DPP10: variants seen among roughly 807,000 people sequenced by gnomAD.
DPP10 encodes dipeptidyl peptidase like 10.
Under a neutral mutation model 120.9 loss-of-function variants are expected in DPP10, and 33 were observed. The ratio of observed to expected loss-of-function variants is 0.27; its 90% confidence interval spans 0.21 to 0.37. DPP10 has a LOEUF of 0.37. DPP10 is among the 10% of genes least tolerant of loss of function. The pLI is 1.00. For missense variants in DPP10, 816 were observed against 942.8 expected, an observed-to-expected ratio of 0.87 and a Z score of 1.76; for synonymous variants, 337 against 326.1, an observed-to-expected ratio of 1.03 and a Z score of -0.36.
chr2:115,611,998 T>G (rs146479103), intron 5 of DPP10, among the ~76,000 whole-genome samples: 1 of 152,246 alleles, frequency 6.6e-6, no homozygotes, highest in African/African-American at 2.4e-5. Context: ...TTATGATGAT[T>G]AGTGAGAAAA....
intron 3 of DPP10, among the ~76,000 whole-genome samples, chr2:115,444,804 T>C (rs1402685131): frequency 6.6e-6 from 1 of 152,202 alleles, no homozygotes; most frequent in Non-Finnish European, 1.5e-5. Flanking sequence ...GATAGCTGTG[T>C]ACCTATGGAA....
At chr2:115,010,482 T>G (rs2105084231) in intron 1 of DPP10, among the ~76,000 whole-genome samples, 1 of 152,302 alleles carries the variant, frequency 6.6e-6, no homozygotes, top group African/African-American at 2.4e-5. Context: ...AATATTATCA[T>G]TCTTTAGTAT....
At chr2:115,596,506 C>T (rs1369767518) in intron 5 of DPP10, among the ~76,000 whole-genome samples, 2 of 151,982 alleles carry the variant, frequency 1.3e-5, no homozygotes, top group African/African-American at 4.8e-5. Context: ...GGCAGAGAAA[C>T]AAATCTTCAC....
chr2:114,909,943 G>T (rs1432803049), intron 1 of DPP10, among the ~76,000 whole-genome samples: 1 of 151,722 alleles, frequency 6.6e-6, no homozygotes, highest in Non-Finnish European at 1.5e-5. Context: ...TCAGTCTGTA[G>T]GTTCTGCATA....
At chr2:114,727,886 G>A (rs1272443671) in intron 1 of DPP10, among the ~76,000 whole-genome samples, 2 of 151,998 alleles carry the variant, frequency 1.3e-5, no homozygotes, top group Admixed American at 6.6e-5. Flanking sequence ...CTATCACTGC[G>A]GTCAGCACAT....
In DPP10 at chr2:114,778,728, C is replaced by T. The variant is rs1681992789; in HGVS notation, c.60+335890C>T. On this transcript the variant is annotated intron_variant, in intron 1 of 25. Coordinates refer to ENST00000410059, the MANE Select transcript of DPP10 (RefSeq NM_020868.6). The stretch of plus-strand genomic sequence containing the variant: ...ATGAAAAATCCTACTGGTTTAAAAT[C>T]GGTCGCATGACTGCACCTAATTGCA... Among the ~76,000 whole-genome samples the T allele has an allele frequency of 2.0e-5, 3 of 152,042 alleles. No homozygotes were observed. In the South Asian group the frequency reaches 6.3e-4, roughly 32 times the overall value.
chr2:114,823,993 C>T (rs1435671976), intron 1 of DPP10, among the ~76,000 whole-genome samples: 1 of 152,168 alleles, frequency 6.6e-6, no homozygotes, highest in East Asian at 1.9e-4. Context: ...CTTTCCAAAA[C>T]TAAAGAATAA....
intron 1 of DPP10, among the ~76,000 whole-genome samples, chr2:115,149,003 A>C (rs1385134114): frequency 6.6e-6 from 1 of 152,152 alleles, no homozygotes; most frequent in Non-Finnish European, 1.5e-5. Flanking sequence ...TTGTTCCCAC[A>C]AACTCCTTTC....
At chr2:114,783,744 G>A (rs898484491) in intron 1 of DPP10, among the ~76,000 whole-genome samples, 2 of 151,944 alleles carry the variant, frequency 1.3e-5, no homozygotes, top group East Asian at 3.9e-4. Context: ...TGAGGTGGGA[G>A]GATTGCTTGA....
chr2:115,436,449 TG>T (rs770960343), intron 3 of DPP10, among the ~76,000 whole-genome samples: 28 of 151,970 alleles, frequency 1.8e-4, no homozygotes, highest in Admixed American at 3.9e-4. Flanking sequence ...AGTGTTATAC[TG>T]AAATACTTAA....
chr2:115,818,083 G>A (rs917309859), intron 21 of DPP10, among the ~76,000 whole-genome samples: 1 of 152,160 alleles, frequency 6.6e-6, no homozygotes, highest in Non-Finnish European at 1.5e-5. Context: ...GTGACAAAAA[G>A]GGAGAGCAAG....
intron 1 of DPP10, among the ~76,000 whole-genome samples, chr2:115,030,918 C>G (rs1010827114): frequency 6.6e-6 from 1 of 152,148 alleles, no homozygotes; most frequent in Non-Finnish European, 1.5e-5. Flanking sequence ...GGTATATACC[C>G]ATAGAATGTA....
At chr2:114,446,509 C>T (rs1039858729) in intron 1 of DPP10, among the ~76,000 whole-genome samples, 2 of 152,068 alleles carry the variant, frequency 1.3e-5, no homozygotes, top group African/African-American at 2.4e-5. Context: ...ATGTAGTGAC[C>T]GGTCTTCCTC....
chr2:115,165,722 C>A (rs1017987245), intron 1 of DPP10, among the ~76,000 whole-genome samples: 4 of 152,226 alleles, frequency 2.6e-5, no homozygotes, highest in African/African-American at 9.6e-5. Flanking sequence ...CCAGGTGGCA[C>A]CCTTCTGCTG....
At chr2:115,833,426 G>T (rs938893880) in intron 21 of DPP10, among the ~76,000 whole-genome samples, 23 of 152,136 alleles carry the variant, frequency 1.5e-4, no homozygotes, top group African/African-American at 5.5e-4. Context: ...AACACCCTTC[G>T]CCCATCTTTA....
chr2:115,062,311 C>T (rs1311981343), intron 1 of DPP10, among the ~76,000 whole-genome samples: 1 of 151,986 alleles, frequency 6.6e-6, no homozygotes, highest in Non-Finnish European at 1.5e-5. Context: ...CTTTGTATTT[C>T]CATGAGCTTA....
At chr2:114,446,940 G>A (rs1019266355) in intron 1 of DPP10, among the ~76,000 whole-genome samples, 1 of 151,988 alleles carries the variant, frequency 6.6e-6, no homozygotes, top group Non-Finnish European at 1.5e-5. Flanking sequence ...AAATAATTTC[G>A]TTAGCAAATT....
At chr2:114,596,737 A>G (rs540702657) in intron 1 of DPP10, among the ~76,000 whole-genome samples, 27 of 152,088 alleles carry the variant, frequency 1.8e-4, no homozygotes, top group East Asian at 1.4e-3. Flanking sequence ...ACTGAGGCAG[A>G]GAGAAGTAAA....
chr2:115,020,147 A>G lies in DPP10; in HGVS notation c.61-289092A>G, dbSNP rs1385013699. Among the ~76,000 whole-genome samples, 4 of 152,194 alleles carry G rather than the reference A, an allele frequency of 2.6e-5. No individual in the cohort carries two copies. In the East Asian group the frequency reaches 7.7e-4, roughly 29 times the overall value. On this transcript the variant is annotated intron_variant, in intron 1 of 25. Coordinates refer to ENST00000410059, the MANE Select transcript of DPP10 (RefSeq NM_020868.6). The stretch of plus-strand genomic sequence containing the variant: ...CAACAAACAGCACAATGAATAGAAT[A>G]GTACCACACATCTCAATACTAGCAT...
Sources: allele counts gnomAD v4.1 joint callset (sites outside exome capture counted in the v4.1 genomes callset), GRCh38; gene constraint gnomAD v4.1.1; transcripts MANE v1.5; gene names NCBI Gene and HGNC (gene_info 2026-07-23, HGNC 2026-07-21).